UTRN: variants seen among roughly 807,000 people sequenced by gnomAD.
UTRN encodes dystrophin-related protein 1.
UTRN carries 283 observed loss-of-function variants against 463.9 expected under a neutral mutation model. The observed-to-expected ratio is 0.61, with a 90% confidence interval of 0.55 to 0.67. The LOEUF (loss-of-function observed/expected upper bound fraction) is 0.67. Among genes scored for constraint, UTRN ranks in the 30% least tolerant of loss-of-function variants. UTRN has a pLI of 0.00. For synonymous variants in UTRN, 1,442 were observed against 1,431.5 expected (o/e 1.01, Z -0.17); for missense variants, 3,922 against 4,084.3 (o/e 0.96, Z 1.08).
rs866823663 is a variant in UTRN, at chr6:144,486,661, A to G, written c.3823-887A>G. On this transcript the variant is annotated intron_variant, in intron 28 of 74. Coordinates refer to ENST00000367545, the MANE Select transcript of UTRN (RefSeq NM_007124.3). ...CTCAGCCTCCTGAGTAGCTGGGATC[A>G]CAGGCGTGTGCCACTACCCCAGCTA... Among the ~76,000 whole-genome samples the G allele has an allele frequency of 5.3e-5, 8 of 152,326 alleles. No homozygotes were observed. The Middle Eastern group carries it at 0.01, about 194-fold the overall frequency.
chr6:144,402,996 T>C (rs375634086), intron 2 of UTRN, 127 bp from the exon 3 acceptor site: 2 of 795,110 alleles, frequency 2.5e-6, no homozygotes, highest in Non-Finnish European at 2.1e-6. Flanking sequence ...TCCGCCTCAT[T>C]GTGCTCAAGG....
rs546595659 is a variant in UTRN at position 144,700,350 on chromosome 6, T to TTC, written c.7809+107_7809+108insTC. On this transcript the variant is annotated intron_variant, in intron 53 of 74. Transcript: ENST00000367545. ...AGAGTTGAACCAATTATCACAGGAT[T>TTC]CCCCCCCCCACCACCGTCTGCTTTT... is the stretch of plus-strand genomic sequence containing the variant. 10 of 1,226,206 alleles carry TTC rather than the reference T, an allele frequency of 8.2e-6. No homozygotes were observed. The African/African-American group carries it at 8.4e-5, about 10-fold the overall frequency. The allele number at this position is 1,226,206 out of a possible 1,614,324, so 76.0% of individuals were successfully genotyped here. A position where few individuals can be genotyped will look rare whatever the true frequency, so the allele number is the denominator to read the frequency against.
At chr6:144,499,651 T>G (rs1793996493) in intron 34 of UTRN, among the ~76,000 whole-genome samples, 1 of 152,188 alleles carries the variant, frequency 6.6e-6, no homozygotes, top group Admixed American at 6.5e-5. Context: ...GGTACACATA[T>G]AGGTTTGTTA....
At chr6:144,373,390 T>C (rs187879652) in intron 2 of UTRN, among the ~76,000 whole-genome samples, 95 of 152,298 alleles carry the variant, frequency 6.2e-4, no homozygotes, top group African/African-American at 2.2e-3. Context: ...CTTGAAAACA[T>C]AATGCTAAGT....
chr6:144,451,257 G>T lies in UTRN; in HGVS notation c.2073-113G>T, dbSNP rs534650176. 4.8e-6 allele frequency: 6 copies of T among 1,260,662 alleles called. No individual in the cohort carries two copies. In the Admixed American group the frequency reaches 9.8e-5, roughly 20 times the overall value. The allele number at this position is 1,260,662 out of a possible 1,614,324, so 78.1% of individuals were successfully genotyped here. A position where few individuals can be genotyped will look rare whatever the true frequency, so the allele number is the denominator to read the frequency against. On this transcript the variant is annotated intron_variant, in intron 17 of 74. Coordinates refer to ENST00000367545, the MANE Select transcript of UTRN (RefSeq NM_007124.3). ...ACCCTATTTCTGGGTTGCTGTTTTT[G>T]GGGGAGTGATAAAAAGACATATTCC...
intron 3 of UTRN, among the ~76,000 whole-genome samples, chr6:144,416,072 TGG>T (rs1784340146): frequency 6.6e-6 from 1 of 151,778 alleles, no homozygotes; most frequent in South Asian, 2.1e-4. Context: ...TGTGTGTGTG[TGG>T]GTGTGTGCAT....
rs547509229 is a variant in UTRN at position 144,490,228 on chromosome 6, T to C, written c.4263+29T>C. On this transcript the variant is annotated intron_variant, in intron 31 of 74. Coordinates refer to ENST00000367545, the MANE Select transcript of UTRN (RefSeq NM_007124.3). ...AAGAAGGCCAGGAGCTTCCTTTTACTTTTCAACTTGTTGGGAATTTTCTTC... is the reference window on the plus strand; with the variant it reads ...AAGAAGGCCAGGAGCTTCCTTTTACCTTTCAACTTGTTGGGAATTTTCTTC... The C allele has an allele frequency of 6.4e-6, 10 of 1,572,258 alleles. No individual in the cohort carries two copies. In the African/African-American group the frequency reaches 1.2e-4, roughly 20 times the overall value.
At chr6:144,665,703 G>C (rs1585873653) in intron 51 of UTRN, among the ~76,000 whole-genome samples, 1 of 152,210 alleles carries the variant, frequency 6.6e-6, no homozygotes, top group East Asian at 1.9e-4. Context: ...ACCTCAGTGA[G>C]CTTTTGTAGC....
At chr6:144,410,636 C>T (rs1228977183) in intron 3 of UTRN, among the ~76,000 whole-genome samples, 1 of 151,428 alleles carries the variant, frequency 6.6e-6, no homozygotes, top group Non-Finnish European at 1.5e-5. Flanking sequence ...TTTGGATCCT[C>T]ACAGCTTAGC....
chr6:144,489,908 C>T (rs1792887365), intron 30 of UTRN, among the ~76,000 whole-genome samples, 163 bp from the exon 31 acceptor site: 1 of 152,136 alleles, frequency 6.6e-6, no homozygotes, highest in African/African-American at 2.4e-5. Flanking sequence ...GCATAAGCCA[C>T]CGCACCTGGC....
intron 2 of UTRN, among the ~76,000 whole-genome samples, chr6:144,341,810 G>A (rs999014389): frequency 4.6e-5 from 7 of 152,198 alleles, no homozygotes; most frequent in Admixed American, 1.3e-4. Flanking sequence ...AGGAAGCAGG[G>A]CCAACTTCTT....
At chr6:144,434,327 AC>A (rs1464663633) in intron 9 of UTRN, among the ~76,000 whole-genome samples, 1 of 131,232 alleles carries the variant, frequency 7.6e-6, no homozygotes, top group Non-Finnish European at 1.6e-5. Context: ...TCAGAGGGAG[AC>A]CGTGGAAAGA....
At chr6:144,296,870 A>G (rs1050273468) in intron 2 of UTRN, among the ~76,000 whole-genome samples, 2 of 152,188 alleles carry the variant, frequency 1.3e-5, no homozygotes, top group African/African-American at 2.4e-5. Context: ...GGGAAGGCCA[A>G]TTGTAAGAGA....
chr6:144,786,311 G>A (rs1475696956), intron 61 of UTRN, among the ~76,000 whole-genome samples: 1 of 152,178 alleles, frequency 6.6e-6, no homozygotes, highest in Non-Finnish European at 1.5e-5. Flanking sequence ...GTTTGAGACA[G>A]AGTCTCACTC....
chr6:144,328,914 G>C (rs910968498), intron 2 of UTRN, among the ~76,000 whole-genome samples: 1 of 151,972 alleles, frequency 6.6e-6, no homozygotes, highest in Non-Finnish European at 1.5e-5. Context: ...CTCCCAAGTA[G>C]CTGGGATTAC....
intron 3 of UTRN, among the ~76,000 whole-genome samples, chr6:144,407,929 T>C (rs940230789): frequency 1.9e-4 from 29 of 152,280 alleles, no homozygotes; most frequent in African/African-American, 7.0e-4. Flanking sequence ...AGCTAAAAAT[T>C]AGGAAATTAA....
At chr6:144,815,337 C>T (rs539660617) in intron 65 of UTRN, among the ~76,000 whole-genome samples, 1 of 152,204 alleles carries the variant, frequency 6.6e-6, no homozygotes, top group Non-Finnish European at 1.5e-5. Context: ...ATGTATTAGG[C>T]AGGGCTGTCT....
intron 54 of UTRN, among the ~76,000 whole-genome samples, chr6:144,741,643 A>G (rs1790104499): frequency 6.6e-6 from 1 of 152,172 alleles, no homozygotes; most frequent in African/African-American, 2.4e-5. Flanking sequence ...AATTCACTTG[A>G]ATAAATCGCA....
At chr6:144,786,644 C>A (rs1290364169) in intron 61 of UTRN, among the ~76,000 whole-genome samples, 1 of 152,098 alleles carries the variant, frequency 6.6e-6, no homozygotes, top group African/African-American at 2.4e-5. Context: ...CAGGCTTTCT[C>A]TGTGATACTC....
Sources: allele counts gnomAD v4.1 joint callset (sites outside exome capture counted in the v4.1 genomes callset), GRCh38; gene constraint gnomAD v4.1.1; transcripts MANE v1.5; gene names NCBI Gene and HGNC (gene_info 2026-07-23, HGNC 2026-07-21).